Variants in TYW1B observed in about 807,000 individuals in gnomAD.
TYW1B encodes S-adenosyl-L-methionine-dependent tRNA 4-demethylwyosine synthase TYW1B.
Under a neutral mutation model 86.9 loss-of-function variants are expected in TYW1B, and 73 were observed. That is an observed-to-expected ratio of 0.84 (90% CI 0.70 to 1.02). The LOEUF is 1.02. Among genes scored for constraint, TYW1B ranks in the 50% least tolerant of loss-of-function variants. TYW1B has a pLI of 0.00. For missense variants in TYW1B, 637 were observed against 827.4 expected (o/e 0.77, Z 2.82); for synonymous variants, 248 against 292.8 (o/e 0.85, Z 1.56).
intron 12 of TYW1B, among the ~76,000 whole-genome samples, chr7:72,622,914 G>A (rs1179851629): frequency 1.3e-5 from 2 of 152,100 alleles, no homozygotes; most frequent in African/African-American, 2.4e-5. Flanking sequence ...CGCCACTCCC[G>A]CATTTACAGT....
chr7:72,738,346 G>A (rs2129571229), intron 8 of TYW1B, among the ~76,000 whole-genome samples: 1 of 152,202 alleles, frequency 6.6e-6, no homozygotes, highest in East Asian at 1.9e-4. Flanking sequence ...GCCTCCCAAA[G>A]TGCTGGGATT....
chr7:72,716,105 T>A (rs1232751639), intron 9 of TYW1B, among the ~76,000 whole-genome samples: 4 of 152,066 alleles, frequency 2.6e-5, no homozygotes, highest in Non-Finnish European at 5.9e-5. Context: ...GCCCGGCTAA[T>A]TTTTTGTATT....
chr7:72,706,099 T>A (rs1397860189), intron 10 of TYW1B, among the ~76,000 whole-genome samples: 1 of 152,198 alleles, frequency 6.6e-6, no homozygotes, highest in African/African-American at 2.4e-5. Flanking sequence ...GAATTCTTTG[T>A]GTATCAAAAT....
chr7:72,620,311 C>A (rs1239964825), intron 12 of TYW1B, among the ~76,000 whole-genome samples: 50 of 152,272 alleles, frequency 3.3e-4, no homozygotes, highest in South Asian at 2.1e-4. Flanking sequence ...GCAGGAGAAT[C>A]GCTCGAACCC....
At chr7:72,618,768 G>C (rs782662403) in intron 12 of TYW1B, among the ~76,000 whole-genome samples, 28 of 152,206 alleles carry the variant, frequency 1.8e-4, no homozygotes, top group Admixed American at 1.1e-3. Flanking sequence ...AAACGGAGTT[G>C]GAGCTGAAAC....
chr7:72,749,571 C>T (rs1285148048), intron 7 of TYW1B, among the ~76,000 whole-genome samples: 6 of 152,150 alleles, frequency 3.9e-5, no homozygotes, highest in East Asian at 3.9e-4. Flanking sequence ...GGATTACAGG[C>T]GTGAGCCGCC....
intron 11 of TYW1B, among the ~76,000 whole-genome samples, chr7:72,647,723 C>A (rs1331609585): frequency 1.3e-5 from 2 of 151,418 alleles, no homozygotes; most frequent in Admixed American, 1.3e-4. Flanking sequence ...TTTGCTCTGT[C>A]GCCCAGGCTG....
At chr7:72,596,798 G>A (rs536673764) in intron 13 of TYW1B, among the ~76,000 whole-genome samples, 1 of 151,832 alleles carries the variant, frequency 6.6e-6, no homozygotes, top group African/African-American at 2.4e-5. Context: ...ATTTTAAAAG[G>A]CATGCATCAA....
intron 13 of TYW1B, among the ~76,000 whole-genome samples, chr7:72,588,459 G>A (rs1350029497): frequency 1.3e-5 from 2 of 152,196 alleles, no homozygotes; most frequent in Non-Finnish European, 2.9e-5. Context: ...CCTAAATGGA[G>A]ATACACAAGT....
chr7:72,752,236 G>A (rs995895761), intron 7 of TYW1B, among the ~76,000 whole-genome samples: 1 of 152,198 alleles, frequency 6.6e-6, no homozygotes, highest in Non-Finnish European at 1.5e-5. Context: ...TGAGGGGGCT[G>A]CAGGCTGGGG....
intron 2 of TYW1B, among the ~76,000 whole-genome samples, chr7:72,818,635 T>C (rs1246926784): frequency 1.4e-5 from 2 of 146,286 alleles, no homozygotes; most frequent in African/African-American, 2.5e-5. Flanking sequence ...GGGCAATTTA[T>C]TAAAAAAAAG....
intron 7 of TYW1B, among the ~76,000 whole-genome samples, chr7:72,757,363 G>A (rs1173324763): frequency 7.1e-5 from 8 of 112,014 alleles, no homozygotes; most frequent in East Asian, 2.4e-4. Context: ...GCGAGACTCC[G>A]TCTATGGAAA....
intron 8 of TYW1B, among the ~76,000 whole-genome samples, chr7:72,731,156 A>G (rs1392007585): frequency 6.7e-6 from 1 of 150,244 alleles, no homozygotes; most frequent in African/African-American, 2.4e-5. Flanking sequence ...AAGACCACCA[A>G]GCAAAACTAT....
intron 13 of TYW1B, among the ~76,000 whole-genome samples, chr7:72,585,891 T>C (rs1195787094): frequency 5.3e-5 from 8 of 152,186 alleles, no homozygotes; most frequent in Non-Finnish European, 1.2e-4. Flanking sequence ...TAGATGCTTT[T>C]TATACTTCAC....
At chr7:72,714,395 T>C (rs1464254067) in intron 9 of TYW1B, among the ~76,000 whole-genome samples, 1 of 151,676 alleles carries the variant, frequency 6.6e-6, no homozygotes, top group Non-Finnish European at 1.5e-5. Flanking sequence ...GGCAGGAGGA[T>C]TGCTTCAGCC....
chr7:72,792,007 G>C (rs1788227474), intron 6 of TYW1B, among the ~76,000 whole-genome samples: 1 of 152,078 alleles, frequency 6.6e-6, no homozygotes, highest in African/African-American at 2.4e-5. Context: ...CTCAAACCTT[G>C]CAGTTTGTCT....
chr7:72,800,974 A>T (rs1396454118), intron 6 of TYW1B, among the ~76,000 whole-genome samples: 4 of 152,102 alleles, frequency 2.6e-5, no homozygotes, highest in Non-Finnish European at 5.9e-5. Context: ...GTCCACTTTG[A>T]TATCATTCAG....
chr7:72,582,047 G>A (rs1470204993), intron 13 of TYW1B, among the ~76,000 whole-genome samples: 2 of 150,934 alleles, frequency 1.3e-5, no homozygotes, highest in African/African-American at 2.4e-5. Context: ...GGGATAACAC[G>A]TGTGAGCCAC....
intron 6 of TYW1B, among the ~76,000 whole-genome samples, chr7:72,789,654 A>G (rs1287561255): frequency 6.6e-6 from 1 of 151,920 alleles, no homozygotes; most frequent in Non-Finnish European, 1.5e-5. Context: ...AATTTTTTTT[A>G]TTAATAGAGA....
Sources: allele counts gnomAD v4.1 joint callset (sites outside exome capture counted in the v4.1 genomes callset), GRCh38; gene constraint gnomAD v4.1.1; transcripts MANE v1.5; gene names NCBI Gene and HGNC (gene_info 2026-07-23, HGNC 2026-07-21).